RBFOX1: variants seen among roughly 807,000 people sequenced by gnomAD.
RBFOX1 encodes RNA binding protein fox-1 homolog 1.
Under a neutral mutation model 57.7 loss-of-function variants are expected in RBFOX1, and 8 were observed. The observed-to-expected ratio is 0.14, with a 90% CI of 0.08 to 0.25. The LOEUF (loss-of-function observed/expected upper bound fraction) is 0.25, where lower values mean the gene tolerates loss of function less well. Among genes scored for constraint, RBFOX1 ranks in the 10% least tolerant of loss-of-function variants. The pLI is 1.00. For missense variants in RBFOX1, 611 were observed against 548.5 expected, an observed-to-expected ratio of 1.11 and a Z score of -1.14; for synonymous variants, 326 against 222.4, an observed-to-expected ratio of 1.47 and a Z score of -4.15.
intron 4 of RBFOX1, among the ~76,000 whole-genome samples, chr16:7,138,299 C>A (rs189171613): frequency 6.6e-6 from 1 of 152,158 alleles, no homozygotes; most frequent in Non-Finnish European, 1.5e-5. Context: ...CACATGAGAT[C>A]TTCAGCAACA....
intron 4 of RBFOX1, among the ~76,000 whole-genome samples, chr16:7,222,219 C>T (rs182044667): frequency 5.3e-5 from 8 of 152,276 alleles, no homozygotes; most frequent in Admixed American, 3.9e-4. Flanking sequence ...TCACAAAGGG[C>T]CTTGCATTCT....
At position 6,877,906 on chromosome 16, in the gene RBFOX1, C is replaced by A. The variant is rs115375606; in HGVS notation, c.-15-174151C>A. ...TGCTTCCAGACTAAGAACTTAGGAT[C>A]TTGCGAATGGTAGTTGCAAAACATA... On this transcript the variant is annotated intron_variant, in intron 3 of 15. Coordinates refer to ENST00000550418, the MANE Select transcript of RBFOX1 (RefSeq NM_018723.4). Among the ~76,000 whole-genome samples, 860 of 152,246 alleles carry A rather than the reference C, an allele frequency of 5.6e-3. 13 individuals are homozygous for A. The highest frequency in any genetic ancestry group is 0.02 in the African/African-American group (813 of 41,558).
At chr16:7,446,974 G>A (rs527310071) in intron 4 of RBFOX1, among the ~76,000 whole-genome samples, 10 of 151,428 alleles carry the variant, frequency 6.6e-5, no homozygotes, top group African/African-American at 2.4e-4. Context: ...CACCACACCT[G>A]GCTAATATTT....
chr16:5,817,719 C>T (rs1475862658), intron 3 of RBFOX1, among the ~76,000 whole-genome samples: 4 of 141,290 alleles, frequency 2.8e-5, no homozygotes, highest in Admixed American at 7.2e-5. Context: ...TTTTTTGAGA[C>T]GGAGTCTTGC....
intron 1 of RBFOX1, among the ~76,000 whole-genome samples, chr16:5,392,778 C>T (rs766124103): frequency 6.6e-6 from 1 of 152,098 alleles, no homozygotes; most frequent in South Asian, 2.1e-4. Context: ...TCTGCCATCC[C>T]TGGGTCTGTT....
chr16:5,286,252 G>A (rs2063392287), intron 1 of RBFOX1, among the ~76,000 whole-genome samples: 1 of 152,194 alleles, frequency 6.6e-6, no homozygotes, highest in South Asian at 2.1e-4. Flanking sequence ...TGGGCCTCCA[G>A]GTGGCTTCTT....
At chr16:6,993,099 T>C (rs1261587530) in intron 3 of RBFOX1, among the ~76,000 whole-genome samples, 1 of 152,222 alleles carries the variant, frequency 6.6e-6, no homozygotes, top group South Asian at 2.1e-4. Context: ...GTCTACTGCA[T>C]TCATCTTTGG....
At chr16:5,552,302 A>G (rs534556643) in intron 2 of RBFOX1, among the ~76,000 whole-genome samples, 2 of 152,266 alleles carry the variant, frequency 1.3e-5, no homozygotes, top group South Asian at 2.1e-4. Context: ...GTTGCCTCCT[A>G]TGAGGCTAAC....
chr16:7,320,251 C>G (rs2096522435), intron 4 of RBFOX1, among the ~76,000 whole-genome samples: 1 of 152,024 alleles, frequency 6.6e-6, no homozygotes, highest in African/African-American at 2.4e-5. Context: ...CCTACAGGCC[C>G]CAGTGTGTGT....
intron 4 of RBFOX1, among the ~76,000 whole-genome samples, chr16:7,366,158 C>T (rs547674805): frequency 6.6e-6 from 1 of 152,182 alleles, no homozygotes; most frequent in South Asian, 2.1e-4. Flanking sequence ...TGTATTGAGG[C>T]CTTTCCCAGC....
intron 4 of RBFOX1, among the ~76,000 whole-genome samples, chr16:5,961,279 T>C (rs2059742696): frequency 1.3e-5 from 2 of 152,194 alleles, no homozygotes; most frequent in Admixed American, 6.5e-5. Flanking sequence ...TTTAATCATC[T>C]TAAGAATCCA....
chr16:7,500,670 C>A (rs2070458939), intron 4 of RBFOX1, among the ~76,000 whole-genome samples: 2 of 152,144 alleles, frequency 1.3e-5, no homozygotes, highest in Admixed American at 6.5e-5. Context: ...GCTTCTTCCA[C>A]TAAATAGATG....
chr16:6,453,971 C>A, intron 2 of RBFOX1, among the ~76,000 whole-genome samples: 1 of 152,162 alleles, frequency 6.6e-6, no homozygotes, highest in East Asian at 1.9e-4. Flanking sequence ...AAATCCAAGG[C>A]GTTGGCATGG....
At chr16:6,247,397 T>G (rs1009218047) in intron 1 of RBFOX1, among the ~76,000 whole-genome samples, 6 of 152,162 alleles carry the variant, frequency 3.9e-5, no homozygotes, top group African/African-American at 1.2e-4. Context: ...ACATCAACCA[T>G]AAAATGATTG....
chr16:5,465,239 C>T (rs535758811), intron 1 of RBFOX1, among the ~76,000 whole-genome samples: 1 of 152,306 alleles, frequency 6.6e-6, no homozygotes, highest in East Asian at 1.9e-4. Flanking sequence ...CATCTCCTTG[C>T]TGCGTCCTCA....
intron 2 of RBFOX1, among the ~76,000 whole-genome samples, chr16:6,480,687 A>G (rs1386157200): frequency 6.6e-6 from 1 of 152,194 alleles, no homozygotes; most frequent in Non-Finnish European, 1.5e-5. Context: ...ATATTAGTGC[A>G]TTCTCTTTCA....
intron 4 of RBFOX1, among the ~76,000 whole-genome samples, chr16:7,256,037 A>G (rs370784419): frequency 6.6e-5 from 10 of 152,216 alleles, no homozygotes; most frequent in East Asian, 3.9e-4. Context: ...TCCATAATGA[A>G]TACATACTGC....
chr16:7,713,021 G>A lies in RBFOX1; in HGVS notation c.*2276G>A, dbSNP rs2084223226. The A allele has an allele frequency of 6.6e-6, 1 of 152,286 alleles. No individual in the cohort carries two copies. Among genetic ancestry groups the A allele is most frequent in the Non-Finnish European group, 1.5e-5 (1 of 68,020 alleles). 9.4% of individuals were successfully genotyped at this position (152,286 alleles called of 1,614,324 possible). Reference sequence around the variant, plus strand: ...GCCAACCGATGTTGCAGAATCTTTTGTCTAGGCACTCCAAGATGCCAATAA... The same window carrying A: ...GCCAACCGATGTTGCAGAATCTTTTATCTAGGCACTCCAAGATGCCAATAA... On this transcript the variant is annotated 3_prime_UTR_variant, in exon 16 of 16. Transcript: ENST00000550418.
chr16:5,260,229 T>G (rs2062700420), intron 1 of RBFOX1, among the ~76,000 whole-genome samples: 1 of 152,020 alleles, frequency 6.6e-6, no homozygotes, highest in African/African-American at 2.4e-5. Context: ...AATATTAATA[T>G]GAAGGACATT....
Sources: gnomAD v4.1 joint callset for allele counts (sites outside exome capture counted in the v4.1 genomes callset) on GRCh38, gnomAD v4.1.1 for gene constraint, MANE v1.5 for transcripts, NCBI Gene and HGNC (gene_info 2026-07-23, HGNC 2026-07-21) for gene names.